PRKN: variants seen among roughly 807,000 people sequenced by gnomAD.
The protein encoded by PRKN is parkin RBR E3 ubiquitin protein ligase, also known as E3 ubiquitin-protein ligase parkin.
PRKN carries 56 observed loss-of-function variants against 59.5 expected under a neutral mutation model. The observed-to-expected ratio is 0.94, with a 90% CI of 0.76 to 1.18. The LOEUF (loss-of-function observed/expected upper bound fraction) is 1.18. Ranked by LOEUF, PRKN falls within the 50% of genes most tolerant of loss-of-function variation. The pLI, the probability that PRKN is intolerant of heterozygous loss-of-function variation, is 0.00. For synonymous variants in PRKN, 250 were observed against 222.1 expected (o/e 1.13, Z -1.12); for missense variants, 657 against 596.4 (o/e 1.10, Z -1.06).
intron 4 of PRKN, among the ~76,000 whole-genome samples, chr6:162,060,954 T>C (rs953154108): frequency 6.6e-6 from 1 of 152,182 alleles, no homozygotes; most frequent in African/African-American, 2.4e-5. Context: ...GGGACTAAAA[T>C]AATTTTGTAA....
intron 3 of PRKN, among the ~76,000 whole-genome samples, chr6:162,224,490 C>T (rs992000069): frequency 1.3e-5 from 2 of 152,166 alleles, no homozygotes; most frequent in African/African-American, 4.8e-5. Flanking sequence ...GTGGACTACT[C>T]AGAATGCATC....
intron 1 of PRKN, among the ~76,000 whole-genome samples, chr6:162,514,979 CA>C (rs890623009): frequency 6.7e-6 from 1 of 149,194 alleles, no homozygotes; most frequent in African/African-American, 2.5e-5. Flanking sequence ...GAGTGATATA[CA>C]AAAAAAAGGA....
At chr6:161,565,696 T>G (rs1196835534) in intron 8 of PRKN, among the ~76,000 whole-genome samples, 2 of 152,200 alleles carry the variant, frequency 1.3e-5, no homozygotes, top group Non-Finnish European at 2.9e-5. Context: ...CTTTCCTTTA[T>G]AAGTTACCCA....
intron 1 of PRKN, among the ~76,000 whole-genome samples, chr6:162,445,689 T>TAAA (rs71004091): frequency 1.7e-4 from 5 of 28,748 alleles, no homozygotes; most frequent in African/African-American, 5.3e-4. Context: ...AGACCTTGTC[T>TAAA]AAAAAAAAAA....
intron 2 of PRKN, among the ~76,000 whole-genome samples, chr6:162,277,848 C>A (rs1780704788): frequency 6.6e-6 from 1 of 152,182 alleles, no homozygotes. Flanking sequence ...GGTATAGTCA[C>A]TTTGGAAATC....
chr6:162,238,441 G>A (rs372888959), intron 3 of PRKN, among the ~76,000 whole-genome samples: 3 of 152,200 alleles, frequency 2.0e-5, no homozygotes, highest in Admixed American at 1.3e-4. Flanking sequence ...TAAGTGACAC[G>A]TGACTATACA....
At chr6:161,653,979 T>C (rs913593423) in intron 7 of PRKN, among the ~76,000 whole-genome samples, 2 of 150,000 alleles carry the variant, frequency 1.3e-5, no homozygotes, top group Middle Eastern at 3.4e-3. Flanking sequence ...GTCTCTAATG[T>C]TATTTAGATA....
intron 3 of PRKN, among the ~76,000 whole-genome samples, chr6:162,238,556 C>A (rs188956110): frequency 1.3e-5 from 2 of 152,154 alleles, no homozygotes; most frequent in African/African-American, 2.4e-5. Context: ...CCAAGGAAGA[C>A]GTTAGTATTC....
chr6:161,366,537 C>G (rs754079408), intron 10 of PRKN, among the ~76,000 whole-genome samples: 2 of 152,192 alleles, frequency 1.3e-5, no homozygotes, highest in South Asian at 4.1e-4. Context: ...AAGAAGGACT[C>G]CGTACTTCTG....
chr6:161,751,874 C>T (rs1358245331), intron 7 of PRKN, among the ~76,000 whole-genome samples: 1 of 152,158 alleles, frequency 6.6e-6, no homozygotes, highest in African/African-American at 2.4e-5. Context: ...GCTATGCACA[C>T]AGCAGGTGAA....
intron 1 of PRKN, among the ~76,000 whole-genome samples, chr6:162,624,945 A>G (rs1782824092): frequency 6.6e-6 from 1 of 152,212 alleles, no homozygotes; most frequent in Non-Finnish European, 1.5e-5. Flanking sequence ...CTAAGTGAGG[A>G]AAATACAATT....
intron 7 of PRKN, among the ~76,000 whole-genome samples, chr6:161,626,391 A>C (rs1176484250): frequency 6.6e-6 from 1 of 152,206 alleles, no homozygotes; most frequent in Non-Finnish European, 1.5e-5. Context: ...CCAGTGACTG[A>C]TGATGCTTCA....
At chr6:162,474,208 T>C (rs1243840087) in intron 1 of PRKN, among the ~76,000 whole-genome samples, 1 of 152,188 alleles carries the variant, frequency 6.6e-6, no homozygotes, top group Non-Finnish European at 1.5e-5. Flanking sequence ...AAACTAATGT[T>C]AAGAACGACA....
intron 5 of PRKN, among the ~76,000 whole-genome samples, chr6:162,016,153 T>TA (rs57107812): frequency 0.7 from 106,431 of 151,198 alleles, 37,673 homozygotes; most frequent in African/African-American, 0.75. Flanking sequence ...AAAATAATAA[T>TA]AAAAAAAAAC....
At chr6:161,559,239 C>T (rs1444298585) in intron 8 of PRKN, among the ~76,000 whole-genome samples, 10 of 152,058 alleles carry the variant, frequency 6.6e-5, no homozygotes, top group Non-Finnish European at 4.4e-5. Context: ...TTCCTTGTCC[C>T]CTCTCCATGT....
chr6:162,078,283 T>C (rs9365365), intron 4 of PRKN, among the ~76,000 whole-genome samples: 125,160 of 151,978 alleles, frequency 0.82, 51,726 homozygotes, highest in Admixed American at 0.88. Context: ...TTGTATCCCA[T>C]GGCTTCTAAC....
chr6:162,262,695 T>C lies in PRKN; in HGVS notation c.242A>G (p.Asn81Ser). The C allele has an allele frequency of 6.2e-7, 1 of 1,612,814 alleles. No individual in the cohort carries two copies. The highest frequency in any genetic ancestry group is 8.5e-7 in the Non-Finnish European group (1 of 1,179,908). The change falls in exon 3 of 12, where the codon AAT becomes AGT. Residue 81 changes from asparagine to serine, a missense_variant. By Grantham distance (46) the Asn-to-Ser change is conservative. Transcript: ENST00000366898. Reference sequence around the variant, plus strand: ...TCTGGGGTCGTCGCCTCCAGTTGCATTCATTTCTTGACCTTTTCTCCACGG... The same window carrying C: ...TCTGGGGTCGTCGCCTCCAGTTGCACTCATTTCTTGACCTTTTCTCCACGG... ...QRPWRKGQEM[N>S]ATGGDDPRNA... is the part of the protein sequence containing the mutation.
intron 7 of PRKN, among the ~76,000 whole-genome samples, chr6:161,573,768 A>G: frequency 1.6e-5 from 1 of 63,728 alleles, no homozygotes; most frequent in Admixed American, 1.4e-4. Flanking sequence ...ATATATATAT[A>G]TATATATATA....
chr6:162,522,026 C>A (rs1035074074), intron 1 of PRKN, among the ~76,000 whole-genome samples: 27 of 152,284 alleles, frequency 1.8e-4, no homozygotes, highest in African/African-American at 6.5e-4. Context: ...TATTCGATGT[C>A]CCCAGTTAAT....
Sources: allele counts gnomAD v4.1 joint callset (sites outside exome capture counted in the v4.1 genomes callset), GRCh38; gene constraint gnomAD v4.1.1; transcripts MANE v1.5; gene names NCBI Gene and HGNC (gene_info 2026-07-23, HGNC 2026-07-21).